HORMAD2: variants seen among roughly 807,000 people sequenced by gnomAD.
The protein encoded by HORMAD2 is HORMA domain-containing protein 2.
HORMAD2 carries 45 observed loss-of-function variants against 38.8 expected under a neutral mutation model. The observed-to-expected ratio is 1.16, with a 90% CI of 0.91 to 1.49. HORMAD2 has a LOEUF of 1.49. Among genes scored for constraint, HORMAD2 ranks in the 40% most tolerant of loss-of-function variants. The probability of loss-of-function intolerance (pLI) is 0.00; values close to 1 mark genes in which losing one functional copy is unlikely to be tolerated. For missense variants in HORMAD2, 338 were observed against 367.0 expected (o/e 0.92, Z 0.65); for synonymous variants, 126 against 122.8 (o/e 1.03, Z -0.17).
intron 8 of HORMAD2, among the ~76,000 whole-genome samples, chr22:30,121,046 AG>A (rs1922391169): frequency 6.6e-6 from 1 of 152,228 alleles, no homozygotes; most frequent in African/African-American, 2.4e-5. Context: ...TTTTCCTATT[AG>A]TAATATTATT....
At chr22:30,199,458 A>G in the HORMAD2 span, among the ~76,000 whole-genome samples, 13 of 152,270 alleles carry the variant, frequency 8.5e-5, no homozygotes, top group Non-Finnish European at 1.3e-4. Context: ...TTAGTTTTTT[A>G]GTCTGTGTAA....
intron 2 of HORMAD2, among the ~76,000 whole-genome samples, chr22:30,095,274 G>T (rs1055245253): frequency 1.4e-4 from 21 of 152,122 alleles, no homozygotes; most frequent in African/African-American, 4.8e-4. Context: ...TAGTTTACAT[G>T]ACTTTAATAA....
intron 3 of HORMAD2, 26 bp from the exon 4 acceptor site, chr22:30,103,411 A>G: frequency 1.4e-6 from 2 of 1,416,776 alleles, no homozygotes; most frequent in Non-Finnish European, 2.0e-6. Flanking sequence ...AGTAGATAAA[A>G]ATAGACTGTG....
chr22:30,145,120 A>G (rs1382806545), intron 10 of HORMAD2, among the ~76,000 whole-genome samples: 1 of 152,250 alleles, frequency 6.6e-6, no homozygotes, highest in Non-Finnish European at 1.5e-5. Flanking sequence ...GCCTTTAGGT[A>G]TAACAGAGAC....
chr22:30,206,578 G>A, the HORMAD2 span, among the ~76,000 whole-genome samples: 7 of 152,200 alleles, frequency 4.6e-5, no homozygotes, highest in Non-Finnish European at 7.4e-5. Flanking sequence ...AAACTCCTGG[G>A]CTCAAGCAAT....
intron 10 of HORMAD2, among the ~76,000 whole-genome samples, chr22:30,143,242 G>A (rs1487374942): frequency 1.3e-5 from 2 of 152,054 alleles, no homozygotes; most frequent in Non-Finnish European, 2.9e-5. Flanking sequence ...TTTTATAATT[G>A]CATTATAAGA....
chr22:30,091,021 A>G (rs75916721), intron 1 of HORMAD2, among the ~76,000 whole-genome samples: 11,847 of 152,102 alleles, frequency 0.078, 543 homozygotes, highest in African/African-American at 0.092. Flanking sequence ...CTAGCTTTTA[A>G]TAACTACTTC....
At chr22:30,088,725 ATTAG>A (rs1233382176) in intron 1 of HORMAD2, among the ~76,000 whole-genome samples, 2 of 151,718 alleles carry the variant, frequency 1.3e-5, no homozygotes, top group Non-Finnish European at 2.9e-5. Context: ...ATTAAGTTTT[ATTAG>A]TTTTATTAAT....
In HORMAD2 at chr22:30,090,293, C is replaced by A. The variant is rs573094481; in HGVS notation, c.-37-3623C>A. ...TGGGAGAATCATTTAAGCCTGGGAG[C>A]GGGAGGTTGCAGTGAGCCGAGATCA... On this transcript the variant is annotated intron_variant, in intron 1 of 10. Transcript: ENST00000336726. Among the ~76,000 whole-genome samples, 8 of 151,956 alleles carry A rather than the reference C, an allele frequency of 5.3e-5. No individual in the cohort carries two copies. The South Asian group carries it at 1.5e-3, about 28-fold the overall frequency.
At chr22:30,127,667 T>C (rs1922983290) in intron 10 of HORMAD2, among the ~76,000 whole-genome samples, 1 of 152,222 alleles carries the variant, frequency 6.6e-6, no homozygotes, top group South Asian at 2.1e-4. Context: ...TCTATTTCTC[T>C]GGTTTGGTTT....
rs751444301 is a variant in HORMAD2 at position 30,083,954 on chromosome 22, A to G, written c.-38+3463A>G. On this transcript the variant is annotated intron_variant, in intron 1 of 10. Coordinates refer to ENST00000336726, the MANE Select transcript of HORMAD2 (RefSeq NM_152510.4). ...TAGTACATCATATTAGATAGAATGA[A>G]AGCAAAGGAGAATTTCATTTTGGAG... Among the ~76,000 whole-genome samples, 50 of 152,222 alleles carry G rather than the reference A, an allele frequency of 3.3e-4. 1 individual carries two copies. The highest frequency in any genetic ancestry group is 4.7e-4 in the Non-Finnish European group (32 of 68,038).
At chr22:30,142,086 C>CA (rs1378684001) in intron 10 of HORMAD2, among the ~76,000 whole-genome samples, 1 of 151,814 alleles carries the variant, frequency 6.6e-6, no homozygotes, top group Non-Finnish European at 1.5e-5. Flanking sequence ...CCAGTCTCTA[C>CA]AAAAAAACAA....
chr22:30,114,888 T>A (rs563080312), intron 7 of HORMAD2, among the ~76,000 whole-genome samples: 1 of 152,308 alleles, frequency 6.6e-6, no homozygotes, highest in African/African-American at 2.4e-5. Context: ...AGCATCTAAG[T>A]AAACTAAGTA....
intron 10 of HORMAD2, among the ~76,000 whole-genome samples, chr22:30,164,649 G>GT (rs1925665028): frequency 6.6e-6 from 1 of 151,960 alleles, no homozygotes; most frequent in African/African-American, 2.4e-5. Context: ...TCAGGATTTT[G>GT]TTTGTTTTTT....
chr22:30,084,442 A>G (rs2068535725), intron 1 of HORMAD2, among the ~76,000 whole-genome samples: 1 of 152,184 alleles, frequency 6.6e-6, no homozygotes, highest in South Asian at 2.1e-4. Flanking sequence ...CCAACTCTCA[A>G]CACTTGCATT....
chr22:30,081,612 C>G (rs888448053), intron 1 of HORMAD2, among the ~76,000 whole-genome samples: 1 of 151,524 alleles, frequency 6.6e-6, no homozygotes, highest in Non-Finnish European at 1.5e-5. Context: ...GAGTCGAGCT[C>G]TGTGCCAGGC....
At chr22:30,149,237 G>A (rs531445002) in intron 10 of HORMAD2, among the ~76,000 whole-genome samples, 2 of 152,212 alleles carry the variant, frequency 1.3e-5, no homozygotes, top group African/African-American at 4.8e-5. Context: ...CATTGGCTCA[G>A]TTTTCTCTTT....
At chr22:30,192,304 G>T in the HORMAD2 span, 1 of 152,402 alleles carries the variant, frequency 6.6e-6, no homozygotes, top group Non-Finnish European at 1.5e-5. Context: ...GTCTAGCATG[G>T]TGAGGGAAAG....
intron 1 of HORMAD2, among the ~76,000 whole-genome samples, chr22:30,093,256 G>T (rs2146073575): frequency 6.6e-6 from 1 of 152,150 alleles, no homozygotes; most frequent in South Asian, 2.1e-4. Flanking sequence ...TTGTAAATGA[G>T]ATTTCTCTCT....
Sources: gnomAD v4.1 joint callset for allele counts (sites outside exome capture counted in the v4.1 genomes callset) on GRCh38, gnomAD v4.1.1 for gene constraint, MANE v1.5 for transcripts, NCBI Gene and HGNC (gene_info 2026-07-23, HGNC 2026-07-21) for gene names.